The following OLFML3 variants were observed in gnomAD, a reference collection of about 807,000 sequenced individuals.
OLFML3 encodes the protein olfactomedin like 3.
In OLFML3, 26 loss-of-function variants were observed where a neutral mutation model predicts 36.0. The ratio of observed to expected loss-of-function variants is 0.72; its 90% confidence interval spans 0.53 to 1.00. The LOEUF is 1.00. Among genes scored for constraint, OLFML3 ranks in the 50% least tolerant of loss-of-function variants. OLFML3 has a pLI of 0.00. For missense variants in OLFML3, 503 were observed against 519.4 expected (o/e 0.97, Z 0.31); for synonymous variants, 184 against 201.2 (o/e 0.91, Z 0.72).
rs773836612 is a variant in OLFML3, at chr1:113,981,697, G to C, written c.1149G>C (p.Gln383His). The C allele has an allele frequency of 7.4e-6, 12 of 1,613,878 alleles. No individual in the cohort carries two copies. The South Asian group carries it at 1.3e-4, about 18-fold the overall frequency. Residue 383 changes from glutamine (Q) to histidine (H), a missense_variant, in exon 3 of 3, where the codon CAG becomes CAC. By Grantham distance (24) the Gln-to-His change is conservative. Coordinates refer to ENST00000320334, the MANE Select transcript of OLFML3 (RefSeq NM_020190.5). ...TCCGCTATAACCCCCGAGAACGCCA[G>C]CTCTATGCCTGGGATGATGGCTACC... ...ASLRYNPRERQLYAWDDGYQI... is the reference protein window; with the variant it reads ...ASLRYNPRERHLYAWDDGYQI...
rs1558159308 is a variant in OLFML3, at chr1:113,980,472, G to A, written c.255G>A (p.Gly85=). The A allele has an allele frequency of 6.2e-7, 1 of 1,614,192 alleles. No individual in the cohort carries two copies. Among genetic ancestry groups the A allele is most frequent in the Non-Finnish European group, 8.5e-7 (1 of 1,180,022 alleles). The change falls in exon 2 of 3, where the codon GGG becomes GGA. Residue 85 remains glycine (G), a synonymous_variant. Transcript: ENST00000320334. ...GAACTGAGGCCGACACCATCTCCGG[G>A]AGAGTGGATCGTCTGGAGCGGGAGG... is the stretch of plus-strand genomic sequence containing the variant. The part of the protein sequence containing the change: ...ALRTEADTIS[G]RVDRLEREVD...
At position 113,981,066 on chromosome 1, in the gene OLFML3, A is replaced by G; in HGVS notation, c.518A>G (p.Asp173Gly). 4 of 1,610,412 alleles carry G rather than the reference A, an allele frequency of 2.5e-6. No individual in the cohort carries two copies. The highest frequency in any genetic ancestry group is 3.4e-6 in the Non-Finnish European group (4 of 1,177,672). ...LGQTEKIYVL[D>G]GTQNDTAFVF... ...CAAACAGAGAAGATCTACGTGTTAG[A>G]TGGGACACAGAATGACACAGCCTTT... The change falls in exon 3 of 3, where the codon GAT (aspartate) becomes GGT (glycine). Residue 173 changes from aspartate (D) to glycine (G), a missense_variant. By Grantham distance (94) the Asp-to-Gly change is moderately conservative. Transcript: ENST00000320334.
intron 1 of OLFML3, 102 bp from the exon 2 acceptor site, chr1:113,980,230 T>A (rs1673359934): frequency 2.0e-6 from 3 of 1,524,842 alleles, no homozygotes; most frequent in Non-Finnish European, 2.6e-6. Flanking sequence ...GAAGCCTGGC[T>A]GAGTTTGCTC....
chr1:113,979,691 C>T (rs1374322527), intron 1 of OLFML3, 61 bp downstream of exon 1: 1 of 1,273,638 alleles, frequency 7.9e-7, no homozygotes, highest in African/African-American at 1.5e-5. Context: ...TTGGTTCAAC[C>T]AGTTTGTTAG....
Position 113,981,221 on chromosome 1 carries a change from C to G in OLFML3, c.673C>G (p.Pro225Ala). Residue 225 changes from proline (P) to alanine (A), a missense_variant, in exon 3 of 3, where the codon CCT becomes GCT. Physicochemically the swap from Pro to Ala is conservative, Grantham distance 27 (BLOSUM62 -1). Transcript: ENST00000320334. ...YGGFLYFARRPPGRPGGGGEM... is the reference protein window; with the variant it reads ...YGGFLYFARRAPGRPGGGGEM... The stretch of plus-strand genomic sequence containing the variant: ...TGGCTTTCTTTATTTTGCTCGGAGG[C>G]CTCCTGGAAGACCTGGTGGAGGTGG... 6.2e-7 allele frequency: 1 copy of G among 1,613,982 alleles called. No individual in the cohort carries two copies. Among genetic ancestry groups the G allele is most frequent in the South Asian group, 1.1e-5 (1 of 91,058 alleles).
chr1:113,981,490 A>T lies in OLFML3; in HGVS notation c.942A>T (p.Thr314=). 2 of 1,614,100 alleles carry T rather than the reference A, an allele frequency of 1.2e-6. No individual in the cohort carries two copies. Among genetic ancestry groups the T allele is most frequent in the Non-Finnish European group, 8.5e-7 (1 of 1,179,998 alleles). ...QTLDTEQQWD[T]PCPRENAEAA... is the part of the protein sequence containing the mutation. ...TGGACACAGAGCAGCAGTGGGACAC[A>T]CCATGTCCCAGAGAGAATGCTGAGG... The change falls in exon 3 of 3, where the codon ACA becomes ACT. Residue 314 remains threonine (T), a synonymous_variant. Transcript: ENST00000320334.
In OLFML3 at chr1:113,979,505, C is replaced by T; in HGVS notation, c.-12C>T. 1 of 1,586,344 alleles carries T rather than the reference C, an allele frequency of 6.3e-7. No individual in the cohort carries two copies. Among genetic ancestry groups the T allele is most frequent in the Non-Finnish European group, 8.7e-7 (1 of 1,154,696 alleles). On this transcript the variant is annotated 5_prime_UTR_variant, in exon 1 of 3. Transcript: ENST00000320334. ...ACGTTCCTTCTACTCTGGCACCACT[C>T]TCCAGGCTGCCATGGGGCCCAGCAC...
rs1166950763 is a variant in OLFML3 at position 113,980,546 on chromosome 1, A to G, written c.329A>G (p.Asp110Gly). The G allele has an allele frequency of 6.2e-7, 1 of 1,613,796 alleles. No homozygotes were observed. The highest frequency in any genetic ancestry group is 1.7e-5 in the Admixed American group (1 of 59,948). ...QNPALPCVEF[D>G]EKVTGGPGTK... ...CCAGCTCTGCCCTGTGTAGAGTTTG[A>G]TGAGAAGGTGACTGGAGGCCCTGGG... The change falls in exon 2 of 3, where the codon GAT (aspartate) becomes GGT (glycine). Residue 110 changes from aspartate (D) to glycine (G), a missense_variant. By Grantham distance (94) the Asp-to-Gly change is moderately conservative. Transcript: ENST00000320334.
rs35317518 is a variant in OLFML3 at position 113,981,107 on chromosome 1, C to T, written c.559C>T (p.Arg187Cys). The change falls in exon 3 of 3, where the codon CGT (arginine) becomes TGT (cysteine). Residue 187 changes from arginine (R) to cysteine (C), a missense_variant. Physicochemically the swap from Arg to Cys is radical, Grantham distance 180 (BLOSUM62 -3). Transcript: ENST00000320334. ...NDTAFVFPRL[R>C]DFTLAMAARK... is the part of the protein sequence containing the mutation. The stretch of plus-strand genomic sequence containing the variant: ...CACAGCCTTTGTCTTCCCAAGGCTG[C>T]GTGACTTCACCCTTGCCATGGCTGC... The T allele has an allele frequency of 4.3e-6, 7 of 1,613,920 alleles. No individual in the cohort carries two copies. Among genetic ancestry groups the T allele is most frequent in the East Asian group, 2.2e-5 (1 of 44,876 alleles).
chr1:113,979,881 G>T (rs996090554), intron 1 of OLFML3: 1 of 1,346,890 alleles, frequency 7.4e-7, no homozygotes, highest in Admixed American at 2.9e-5. Context: ...GGAAACGAGA[G>T]CCAAAATTGT....
chr1:113,979,555 G>T lies in OLFML3; in HGVS notation c.39G>T (p.Leu13Phe). The change falls in exon 1 of 3, where the codon TTG becomes TTT. Residue 13 changes from leucine (L) to phenylalanine (F), a missense_variant. Coordinates refer to ENST00000320334, the MANE Select transcript of OLFML3 (RefSeq NM_020190.5). ...CCCCTCTCCTCATCTTGTTCCTTTT[G>T]TCATGGTCGGGACCCCTCCAAGGAC... ...PSTPLLILFL[L>F]SWSGPLQGQQ... 4 of 1,614,088 alleles carry T rather than the reference G, an allele frequency of 2.5e-6. No individual in the cohort carries two copies. Among genetic ancestry groups the T allele is most frequent in the Non-Finnish European group, 3.4e-6 (4 of 1,179,994 alleles).
chr1:113,981,416 C>A lies in OLFML3; in HGVS notation c.868C>A (p.Arg290=), dbSNP rs141551539. ...AGGTCTTTGGGCTGTCTATGCCACCCGGGAGGATGACAGGCACTTGTGTCT... is the reference window on the plus strand; with the variant it reads ...AGGTCTTTGGGCTGTCTATGCCACCAGGGAGGATGACAGGCACTTGTGTCT... The part of the protein sequence containing the change: ...EEGLWAVYAT[R]EDDRHLCLAK... The change falls in exon 3 of 3, where the codon CGG becomes AGG. Residue 290 remains arginine, a synonymous_variant. Coordinates refer to ENST00000320334, the MANE Select transcript of OLFML3 (RefSeq NM_020190.5). 3.1e-6 allele frequency: 5 copies of A among 1,612,570 alleles called. No homozygotes were observed. The South Asian group carries it at 5.5e-5, about 18-fold the overall frequency.
At chr1:113,980,196 T>A in intron 1 of OLFML3, 136 bp from the exon 2 acceptor site, 1 of 1,514,482 alleles carries the variant, frequency 6.6e-7, no homozygotes, top group Non-Finnish European at 8.8e-7. Flanking sequence ...GGTTTCCTTT[T>A]CTGCAGGAGT....
Position 113,981,321 on chromosome 1 carries a change from C to T in OLFML3, c.773C>T (p.Pro258Leu). 6.3e-7 allele frequency: 1 copy of T among 1,598,560 alleles called. No homozygotes were observed. Among genetic ancestry groups the T allele is most frequent in the Non-Finnish European group, 8.5e-7 (1 of 1,171,778 alleles). Residue 258 changes from proline (P) to leucine (L), a missense_variant, in exon 3 of 3, where the codon CCA becomes CTA. Physicochemically the swap from Pro to Leu is moderately conservative, Grantham distance 98. Transcript: ENST00000320334. ...ACAGTGGTGGACAGCTCAGTATTCCCAGCAGAGGGGCTGATCCCCCCCTAC... is the reference window on the plus strand; with the variant it reads ...ACAGTGGTGGACAGCTCAGTATTCCTAGCAGAGGGGCTGATCCCCCCCTAC... ...NRTVVDSSVF[P>L]AEGLIPPYGL...
chr1:113,979,716 C>G, intron 1 of OLFML3, 86 bp downstream of exon 1: 1 of 1,026,336 alleles, frequency 9.7e-7, no homozygotes, highest in Non-Finnish European at 1.5e-6. Flanking sequence ...CTGGGGATAA[C>G]AAGAAAGGGC....
At chr1:113,980,132 G>A in intron 1 of OLFML3, 200 bp from the exon 2 acceptor site, 1 of 1,547,744 alleles carries the variant, frequency 6.5e-7, no homozygotes, top group Non-Finnish European at 8.7e-7. Flanking sequence ...TCGGGGTAGG[G>A]GCCTAGGTGA....
rs1428196579 is a variant in OLFML3 at position 113,982,059 on chromosome 1, C to T, written c.*290C>T. The T allele has an allele frequency of 4.7e-6, 2 of 421,124 alleles. No homozygotes were observed. Among genetic ancestry groups the T allele is most frequent in the South Asian group, 2.2e-5 (1 of 44,958 alleles). The allele number at this position is 421,124 out of a possible 1,614,324, so 26.1% of individuals were successfully genotyped here. Reference sequence around the variant, plus strand: ...GGATGCCCCAGACCCAGGGCTCTAACCTTGTATGCGGGCAGGCCCAGGGAG... The same window carrying T: ...GGATGCCCCAGACCCAGGGCTCTAATCTTGTATGCGGGCAGGCCCAGGGAG... On this transcript the variant is annotated 3_prime_UTR_variant, in exon 3 of 3. Transcript: ENST00000320334.
chr1:113,982,040 C>A lies in OLFML3; in HGVS notation c.*271C>A. On this transcript the variant is annotated 3_prime_UTR_variant, in exon 3 of 3. Coordinates refer to ENST00000320334, the MANE Select transcript of OLFML3 (RefSeq NM_020190.5). ...TCAACAAATTTCAGGCTAAGGATGCCCCAGACCCAGGGCTCTAACCTTGTA... is the reference window on the plus strand; with the variant it reads ...TCAACAAATTTCAGGCTAAGGATGCACCAGACCCAGGGCTCTAACCTTGTA... 2.2e-6 allele frequency: 1 copy of A among 448,502 alleles called. No individual in the cohort carries two copies. Among genetic ancestry groups the A allele is most frequent in the Non-Finnish European group, 4.1e-6 (1 of 244,324 alleles). 27.8% of individuals were successfully genotyped at this position (448,502 alleles called of 1,614,324 possible).
rs1673319274 is a variant in OLFML3, at chr1:113,979,482, G to C, written c.-35G>C. 1 of 1,475,984 alleles carries C rather than the reference G, an allele frequency of 6.8e-7. No individual in the cohort carries two copies. Among genetic ancestry groups the C allele is most frequent in the Admixed American group, 1.7e-5 (1 of 59,808 alleles). 91.4% of individuals were successfully genotyped at this position (1,475,984 alleles called of 1,614,324 possible). A position where few individuals can be genotyped will look rare whatever the true frequency, so the allele number is the denominator to read the frequency against. On this transcript the variant is annotated 5_prime_UTR_variant, in exon 1 of 3. Coordinates refer to ENST00000320334, the MANE Select transcript of OLFML3 (RefSeq NM_020190.5). ...CTTGAGGGGAAGAGGCTGACTGTAC[G>C]TTCCTTCTACTCTGGCACCACTCTC...
Sources: allele counts gnomAD v4.1 joint callset, GRCh38; gene constraint gnomAD v4.1.1; transcripts MANE v1.5; gene names NCBI Gene and HGNC (gene_info 2026-07-23, HGNC 2026-07-21).